The following ABCA12 variants were observed in gnomAD, a reference collection of about 807,000 sequenced individuals.
ABCA12 encodes glucosylceramide transporter ABCA12.
A neutral mutation model predicts 293.5 loss-of-function variants in ABCA12; 156 were observed. That is an observed-to-expected ratio of 0.53 (90% CI 0.47 to 0.61). The LOEUF is 0.61. Among genes scored for constraint, ABCA12 ranks in the 20% least tolerant of loss-of-function variants. The pLI is 0.00. For missense variants in ABCA12, 2,797 were observed against 3,090.2 expected, an observed-to-expected ratio of 0.91 and a Z score of 2.25; for synonymous variants, 1,063 against 1,108.0, an observed-to-expected ratio of 0.96 and a Z score of 0.81.
In ABCA12 at chr2:215,025,600, GTTT is replaced by G. The variant is rs5838479; in HGVS notation, c.1287+70_1287+72del. ...GCCAAATATTATGAGAAGTGTTAAG[GTTT>G]TTTTTTTGTTTGTTTTGTCTTTTTG... On this transcript the variant is annotated intron_variant, in intron 11 of 52. Transcript: ENST00000272895. The G allele has an allele frequency of 8.3e-6, 7 of 840,152 alleles. No homozygotes were observed. The African/African-American group carries it at 1.1e-4, about 13-fold the overall frequency. 52.0% of individuals were successfully genotyped at this position (840,152 alleles called of 1,614,324 possible).
chr2:215,084,012 G>C (rs1701992038), intron 2 of ABCA12, among the ~76,000 whole-genome samples: 1 of 151,940 alleles, frequency 6.6e-6, no homozygotes, highest in Non-Finnish European at 1.5e-5. Context: ...GGGTCTTACT[G>C]TGTTGCCCAG....
At chr2:215,123,921 CT>C (rs1237589725) in intron 1 of ABCA12, among the ~76,000 whole-genome samples, 2 of 152,152 alleles carry the variant, frequency 1.3e-5, no homozygotes, top group Non-Finnish European at 2.9e-5. Context: ...CCTCGCCCCC[CT>C]CTCACTCTTC....
At chr2:215,025,949 G>T (rs1253832895) in intron 10 of ABCA12, among the ~76,000 whole-genome samples, 170 bp from the exon 11 acceptor site, 1 of 152,078 alleles carries the variant, frequency 6.6e-6, no homozygotes, top group Non-Finnish European at 1.5e-5. Flanking sequence ...GAACCATGGG[G>T]ACAACAGAGT....
In ABCA12 at chr2:214,978,317, A is replaced by C; in HGVS notation, c.5127T>G (p.Asp1709Glu). 1 of 1,613,998 alleles carries C rather than the reference A, an allele frequency of 6.2e-7. No individual in the cohort carries two copies. Among genetic ancestry groups the C allele is most frequent in the Non-Finnish European group, 8.5e-7 (1 of 1,179,934 alleles). ...AAAATATCCACATTAGATTCATACC[A>C]TCTCTGTCTGTGAAATTGCTGCTGC... ...SVSSSNFTDRDDKILTRGERL... is the reference protein window; with the variant it reads ...SVSSSNFTDREDKILTRGERL... The change falls in exon 33 of 53, where the codon GAT (aspartate) becomes GAG (glutamate). Residue 1709 changes from aspartate to glutamate, a missense_variant and splice_region_variant. Asp to Glu is a conservative substitution (Grantham distance 45, BLOSUM62 2). Transcript: ENST00000272895.
chr2:215,025,474 T>C lies in ABCA12; in HGVS notation c.1287+199A>G, dbSNP rs1029059278. 25 of 521,138 alleles carry C rather than the reference T, an allele frequency of 4.8e-5. No homozygotes were observed. In the African/African-American group the frequency reaches 4.9e-4, roughly 10 times the overall value. The allele number at this position is 521,138 out of a possible 1,614,324, so 32.3% of individuals were successfully genotyped here. A position where few individuals can be genotyped will look rare whatever the true frequency, so the allele number is the denominator to read the frequency against. ...CGGCATCCAGCCATAAACTCTTTTG[T>C]CACCATTTTTCTAGAGTCGTAAGTA... On this transcript the variant is annotated intron_variant, in intron 11 of 52. Coordinates refer to ENST00000272895, the MANE Select transcript of ABCA12 (RefSeq NM_173076.3).
chr2:215,027,988 T>C (rs1700786369), intron 9 of ABCA12, among the ~76,000 whole-genome samples: 1 of 152,214 alleles, frequency 6.6e-6, no homozygotes, highest in African/African-American at 2.4e-5. Context: ...ATGTGCGTAT[T>C]ATGTGTGCTC....
chr2:215,028,500 T>C (rs745405838), intron 9 of ABCA12, among the ~76,000 whole-genome samples: 1 of 152,196 alleles, frequency 6.6e-6, no homozygotes, highest in Non-Finnish European at 1.5e-5. Context: ...AATACTATAT[T>C]TGGTGGACTC....
chr2:215,001,804 A>G (rs1700152728), intron 20 of ABCA12, 67 bp from the exon 21 acceptor site: 1 of 1,397,066 alleles, frequency 7.2e-7, no homozygotes, highest in African/African-American at 1.4e-5. Flanking sequence ...ATTAGATGAA[A>G]TACTGATTTT....
chr2:214,975,838 C>A lies in ABCA12; in HGVS notation c.5328G>T (p.Glu1776Asp). The A allele has an allele frequency of 6.2e-7, 1 of 1,614,112 alleles. No individual in the cohort carries two copies. The change falls in exon 34 of 53, where the codon GAG (glutamate) becomes GAT (aspartate). Residue 1776 changes from glutamate to aspartate, a missense_variant. Glu to Asp is a conservative substitution (Grantham distance 45). Transcript: ENST00000272895. ...CATAAAGAGAGGGGGAGATCTGAATCTCTGGATAACTGTTGCTGGAATTTC... is the reference window on the plus strand; with the variant it reads ...CATAAAGAGAGGGGGAGATCTGAATATCTGGATAACTGTTGCTGGAATTTC... ...TLRNSSNSYP[E>D]IQISPSLYGT...
intron 6 of ABCA12, among the ~76,000 whole-genome samples, chr2:215,047,326 C>T (rs1701223839): frequency 6.6e-6 from 1 of 152,124 alleles, no homozygotes; most frequent in Admixed American, 6.6e-5. Flanking sequence ...GAGGGATATA[C>T]TGTTTTATCA....
chr2:214,978,428 A>G lies in ABCA12; in HGVS notation c.5016T>C (p.Ser1672=). ...LNLTKESQKN[S]AMSLEHLTQK... is the part of the protein sequence containing the mutation. The stretch of plus-strand genomic sequence containing the variant: ...GTGTTAAGTGCTCAAGACTCATAGC[A>G]CTATTTTTTTGTGACTCTTTGGTCA... The change falls in exon 33 of 53, where the codon AGT becomes AGC. Residue 1672 remains serine (S), a synonymous_variant. Coordinates refer to ENST00000272895, the MANE Select transcript of ABCA12 (RefSeq NM_173076.3). The G allele has an allele frequency of 6.2e-7, 1 of 1,613,796 alleles. No individual in the cohort carries two copies. The highest frequency in any genetic ancestry group is 8.5e-7 in the Non-Finnish European group (1 of 1,179,828).
chr2:215,063,861 T>C (rs1701585436), intron 3 of ABCA12, among the ~76,000 whole-genome samples: 1 of 151,962 alleles, frequency 6.6e-6, no homozygotes, highest in African/African-American at 2.4e-5. Flanking sequence ...ATTTGAGACA[T>C]TCACCCAAAG....
chr2:214,963,689 G>T (rs139204605), intron 39 of ABCA12, among the ~76,000 whole-genome samples: 3,638 of 151,048 alleles, frequency 0.024, 60 homozygotes, highest in East Asian at 0.083. Flanking sequence ...CAAGGCGGGT[G>T]GATCACCTGA....
intron 8 of ABCA12, among the ~76,000 whole-genome samples, chr2:215,034,151 C>G (rs1006265954): frequency 6.6e-6 from 1 of 152,148 alleles, no homozygotes. Flanking sequence ...AACATAATCT[C>G]TGCTCCCAAA....
chr2:214,985,350 A>G (rs1287747195), intron 28 of ABCA12, among the ~76,000 whole-genome samples: 3 of 152,206 alleles, frequency 2.0e-5, no homozygotes, highest in African/African-American at 7.2e-5. Context: ...TGGGAACTAA[A>G]TGATGAGAAT....
intron 45 of ABCA12, among the ~76,000 whole-genome samples, chr2:214,950,420 G>A (rs10153703): frequency 0.42 from 60,657 of 145,928 alleles, 12,583 homozygotes; most frequent in South Asian, 0.49. Context: ...GTGTGTGTGT[G>A]TATATATATG....
At chr2:214,970,872 AGTTAT>A (rs1205038369) in intron 36 of ABCA12, among the ~76,000 whole-genome samples, 3 of 152,094 alleles carry the variant, frequency 2.0e-5, no homozygotes, top group African/African-American at 7.2e-5. Flanking sequence ...GACTCAGCTT[AGTTAT>A]ATGTATATTA....
At position 215,064,103 on chromosome 2, in the gene ABCA12, G is replaced by C; in HGVS notation, c.280C>G (p.Arg94Gly). The change falls in exon 3 of 53, where the codon CGT becomes GGT. Residue 94 changes from arginine (R) to glycine (G), a missense_variant. Arg to Gly is a moderately radical substitution (Grantham distance 125). Transcript: ENST00000272895. ...AGTGCATCATCAATTCCTTTCCTACGAAGCAGATCTTGTGGGCCATAGGGT... is the reference window on the plus strand; with the variant it reads ...AGTGCATCATCAATTCCTTTCCTACCAAGCAGATCTTGTGGGCCATAGGGT... ...DTPYGPQDLLRRKGIDDALFK... is the reference protein window; with the variant it reads ...DTPYGPQDLLGRKGIDDALFK... The C allele has an allele frequency of 2.5e-6, 4 of 1,612,842 alleles. No homozygotes were observed. Among genetic ancestry groups the C allele is most frequent in the Admixed American group, 1.7e-5 (1 of 59,918 alleles).
At chr2:214,979,294 T>C (rs1157367410) in intron 31 of ABCA12, among the ~76,000 whole-genome samples, 1 of 152,100 alleles carries the variant, frequency 6.6e-6, no homozygotes, top group Non-Finnish European at 1.5e-5. Context: ...GTCTCTTTTC[T>C]GTTGCTAGAG....
Sources: allele counts gnomAD v4.1 joint callset (sites outside exome capture counted in the v4.1 genomes callset), GRCh38; gene constraint gnomAD v4.1.1; transcripts MANE v1.5; gene names NCBI Gene and HGNC (gene_info 2026-07-23, HGNC 2026-07-21).